The following DIPK1A variants were observed in gnomAD, a reference collection of about 807,000 sequenced individuals.
The protein encoded by DIPK1A is family with sequence similarity 69 member A.
Under a neutral mutation model 40.8 loss-of-function variants are expected in DIPK1A, and 27 were observed. That is an observed-to-expected ratio of 0.66 (90% CI 0.49 to 0.91). The LOEUF is 0.91. DIPK1A is among the 40% of genes least tolerant of loss of function. DIPK1A has a pLI of 0.00. For missense variants in DIPK1A, 412 were observed against 505.7 expected, an observed-to-expected ratio of 0.81 and a Z score of 1.78; for synonymous variants, 166 against 171.3, an observed-to-expected ratio of 0.97 and a Z score of 0.24.
intron 1 of DIPK1A, among the ~76,000 whole-genome samples, chr1:92,925,697 T>C (rs1478622602): frequency 2.6e-5 from 4 of 152,126 alleles, no homozygotes; most frequent in Non-Finnish European, 5.9e-5. Flanking sequence ...GGTTTCACCA[T>C]GTTGGCCAGG....
chr1:92,871,471 A>G lies in DIPK1A; in HGVS notation c.189+4825T>C, dbSNP rs559561676. 1.1e-4 allele frequency among the ~76,000 whole-genome samples: 16 copies of G among 152,072 alleles called. No homozygotes were observed. In the South Asian group the frequency reaches 2.9e-3, roughly 28 times the overall value. On this transcript the variant is annotated intron_variant, in intron 2 of 4. Transcript: ENST00000370310. ...TGAGACACTGCACCCGGCCTCTTTTATTCTTTTATTATTCCATTTTTTCTA... is the reference window on the plus strand; with the variant it reads ...TGAGACACTGCACCCGGCCTCTTTTGTTCTTTTATTATTCCATTTTTTCTA...
In DIPK1A at chr1:92,843,101, A is replaced by C. The variant is rs572722206; in HGVS notation, c.*282T>G. Reference sequence around the variant, plus strand: ...ACTCACTGTTGATGTTTATGGAATGAAGCTTTTCACAGCATTGGTTTTTAA... The same window carrying C: ...ACTCACTGTTGATGTTTATGGAATGCAGCTTTTCACAGCATTGGTTTTTAA... On this transcript the variant is annotated 3_prime_UTR_variant, in exon 5 of 5. Transcript: ENST00000370310. The C allele has an allele frequency of 6.9e-5, 76 of 1,098,478 alleles. 2 individuals carry two copies. The South Asian group carries it at 2.4e-3, about 34-fold the overall frequency. 68.0% of individuals were successfully genotyped at this position (1,098,478 alleles called of 1,614,324 possible).
intron 1 of DIPK1A, among the ~76,000 whole-genome samples, chr1:92,954,813 T>C (rs1460751829): frequency 6.6e-6 from 1 of 152,066 alleles, no homozygotes; most frequent in Non-Finnish European, 1.5e-5. Context: ...AAAACTTTCA[T>C]GGAGAATAAA....
intron 1 of DIPK1A, among the ~76,000 whole-genome samples, chr1:92,928,017 T>G (rs1302989258): frequency 6.6e-6 from 1 of 152,220 alleles, no homozygotes; most frequent in Admixed American, 6.5e-5. Flanking sequence ...ACATTTAACT[T>G]CTTAAAAACC....
rs4534393 is a variant in DIPK1A, at chr1:92,891,942, C to T, written c.55-15512G>A. Among the ~76,000 whole-genome samples, 491 of 151,422 alleles carry T rather than the reference C, an allele frequency of 3.2e-3. 7 individuals are homozygous for T. The highest frequency in any genetic ancestry group is 0.011 in the African/African-American group (466 of 40,784). ...AGCAGTCTGAGATCAAACTGCAAGG[C>T]GGCAGCGAGGCTGGGGGAGGGGTGC... is the stretch of plus-strand genomic sequence containing the variant. On this transcript the variant is annotated intron_variant, in intron 1 of 4. Transcript: ENST00000370310.
chr1:92,841,207 G>A (rs368824311), downstream of DIPK1A, among the ~76,000 whole-genome samples: 154 of 152,242 alleles, frequency 1.0e-3, 3 homozygotes, highest in African/African-American at 3.5e-3. Context: ...ACCAGCCTCT[G>A]TAACCACCAT....
At chr1:92,881,228 G>C (rs1433012561) in intron 1 of DIPK1A, among the ~76,000 whole-genome samples, 1 of 136,682 alleles carries the variant, frequency 7.3e-6, no homozygotes, top group African/African-American at 2.8e-5. Flanking sequence ...TTAATACTCT[G>C]CATCTTTCAT....
chr1:92,917,327 G>A (rs911217608), intron 1 of DIPK1A, among the ~76,000 whole-genome samples: 2 of 151,892 alleles, frequency 1.3e-5, no homozygotes, highest in Non-Finnish European at 2.9e-5. Flanking sequence ...CATTTTTATG[G>A]CTTTTGCTTT....
intron 1 of DIPK1A, among the ~76,000 whole-genome samples, chr1:92,917,921 T>A (rs1650117839): frequency 6.6e-6 from 1 of 152,208 alleles, no homozygotes; most frequent in South Asian, 2.1e-4. Context: ...AGACCCATTT[T>A]ATATAAACAA....
At chr1:92,929,505 T>C in intron 1 of DIPK1A, among the ~76,000 whole-genome samples, 1 of 152,232 alleles carries the variant, frequency 6.6e-6, no homozygotes, top group South Asian at 2.1e-4. Context: ...CCAAAGTTTC[T>C]GGCTGTTCTA....
chr1:92,937,814 G>GACT (rs1651003042), intron 1 of DIPK1A, among the ~76,000 whole-genome samples: 1 of 145,238 alleles, frequency 6.9e-6, no homozygotes, highest in African/African-American at 2.6e-5. Flanking sequence ...AAAAGTTAAG[G>GACT]ACTACTTTTT....
chr1:92,838,817 G>C (rs1464099698), downstream of DIPK1A, among the ~76,000 whole-genome samples: 1 of 152,204 alleles, frequency 6.6e-6, no homozygotes, highest in East Asian at 1.9e-4. Flanking sequence ...ATAATAGAGT[G>C]CTAAAAGAGG....
At chr1:92,857,203 G>C (rs1688014340) in intron 2 of DIPK1A, among the ~76,000 whole-genome samples, 1 of 152,104 alleles carries the variant, frequency 6.6e-6, no homozygotes. Flanking sequence ...ATATCAGGCA[G>C]GATAAGAGAG....
chr1:92,924,648 C>T (rs985542826), intron 1 of DIPK1A, among the ~76,000 whole-genome samples: 12 of 152,130 alleles, frequency 7.9e-5, no homozygotes, highest in Non-Finnish European at 1.8e-4. Flanking sequence ...CTGCTCGGTC[C>T]GGAGTAGGCT....
chr1:92,937,598 A>G (rs1650993442), intron 1 of DIPK1A, among the ~76,000 whole-genome samples: 1 of 152,184 alleles, frequency 6.6e-6, no homozygotes, highest in African/African-American at 2.4e-5. Context: ...CTATTGCCAA[A>G]GTTGCTTTTT....
chr1:92,920,907 C>T (rs935715478), intron 1 of DIPK1A, among the ~76,000 whole-genome samples: 1 of 152,104 alleles, frequency 6.6e-6, no homozygotes, highest in African/African-American at 2.4e-5. Context: ...GTAGATTTTG[C>T]ATAGGAGCCA....
At chr1:92,878,577 T>C (rs1300871352) in intron 1 of DIPK1A, among the ~76,000 whole-genome samples, 1 of 151,968 alleles carries the variant, frequency 6.6e-6, no homozygotes, top group African/African-American at 2.4e-5. Context: ...TCCCAGCACT[T>C]TGGGAGGCCG....
At chr1:92,907,319 C>A (rs953755466) in intron 1 of DIPK1A, among the ~76,000 whole-genome samples, 4 of 152,048 alleles carry the variant, frequency 2.6e-5, no homozygotes, top group Non-Finnish European at 5.9e-5. Flanking sequence ...CTTAAAAATA[C>A]ATTAAAATAT....
At chr1:92,932,848 A>G (rs970050919) in intron 1 of DIPK1A, 1 of 152,222 alleles carries the variant, frequency 6.6e-6, no homozygotes, top group Non-Finnish European at 1.5e-5. Flanking sequence ...GATTGATAAC[A>G]TAATGGTGAA....
Sources: gnomAD v4.1 joint callset for allele counts (sites outside exome capture counted in the v4.1 genomes callset) on GRCh38, gnomAD v4.1.1 for gene constraint, MANE v1.5 for transcripts, NCBI Gene and HGNC (gene_info 2026-07-23, HGNC 2026-07-21) for gene names.